Variants in TACC3 observed in about 807,000 individuals in gnomAD.
TACC3 encodes the protein transforming acidic coiled-coil containing protein 3.
TACC3 carries 52 observed loss-of-function variants against 86.0 expected under a neutral mutation model. That is an observed-to-expected ratio of 0.60 (90% CI 0.48 to 0.76). The LOEUF is 0.76. TACC3 is among the 30% of genes least tolerant of loss of function. The pLI is 0.00. For missense variants in TACC3, 1,120 were observed against 1,070.4 expected (o/e 1.05, Z -0.65); for synonymous variants, 512 against 430.0 (o/e 1.19, Z -2.36).
chr4:1,744,631 GCTGGGCGAGGC>G lies in TACC3; in HGVS notation c.2330+9_2330+19del. Reference sequence around the variant, plus strand: ...CGGAGGAGAAGCTGCAGCTGTGAGTGCTGGGCGAGGCCCCACCCTGGAGGGAGAATCTGAGC... The same window carrying G: ...CGGAGGAGAAGCTGCAGCTGTGAGTGCCCACCCTGGAGGGAGAATCTGAGC... On this transcript the variant is annotated splice_region_variant and intron_variant, in intron 14 of 15. Transcript: ENST00000313288. 1 of 1,612,808 alleles carries G rather than the reference GCTGGGCGAGGC, an allele frequency of 6.2e-7. No individual in the cohort carries two copies. Among genetic ancestry groups the G allele is most frequent in the Non-Finnish European group, 8.5e-7 (1 of 1,179,850 alleles).
In TACC3 at chr4:1,735,823, C is replaced by G. The variant is rs150355231; in HGVS notation, c.1737C>G (p.Thr579=). ...DSPGRPVPVA[T]ETSSMHGANE... is the part of the protein sequence containing the mutation. ...CTGGTAGACCAGTGCCCGTGGCCAC[C>G]GAGACCAGCAGGTATGTGCGCCGGC... Residue 579 remains threonine (T), a synonymous_variant, in exon 8 of 16, where the codon ACC becomes ACG. Coordinates refer to ENST00000313288, the MANE Select transcript of TACC3 (RefSeq NM_006342.3). This position sits in a 1 kb window ranked among gnomAD's most constrained non-coding sequence, Gnocchi z 4.2. 6.3e-7 allele frequency: 1 copy of G among 1,594,198 alleles called. No individual in the cohort carries two copies. Among genetic ancestry groups the G allele is most frequent in the African/African-American group, 1.3e-5 (1 of 74,600 alleles).
intron 4 of TACC3, among the ~76,000 whole-genome samples, chr4:1,729,062 C>T (rs1717869423): frequency 6.6e-6 from 1 of 152,196 alleles, no homozygotes; most frequent in Non-Finnish European, 1.5e-5. Flanking sequence ...GCAACCAACC[C>T]TGGGCAGGAC....
Position 1,731,181 on chromosome 4 carries a change from T to C in TACC3, c.1471T>C (p.Leu491=). 1 of 1,613,288 alleles carries C rather than the reference T, an allele frequency of 6.2e-7. No individual in the cohort carries two copies. The highest frequency in any genetic ancestry group is 1.1e-5 in the South Asian group (1 of 91,086). ...CTGCCCTTTCCTCCAGGAGAGAGCC[T>C]TGAACTCTGCCAGCACCTCGCTTCC... is the stretch of plus-strand genomic sequence containing the variant. ...TPTAESKERA[L]NSASTSLPTS... is the part of the protein sequence containing the mutation. The change falls in exon 6 of 16, where the codon TTG becomes CTG. Residue 491 remains leucine, a synonymous_variant. Transcript: ENST00000313288.
At chr4:1,723,629 G>A in intron 2 of TACC3, 46 bp downstream of exon 2, 1 of 1,609,186 alleles carries the variant, frequency 6.2e-7, no homozygotes, top group Non-Finnish European at 8.5e-7. Flanking sequence ...TTGCCCTAGG[G>A]CCTGCTTTCT....
In TACC3 at chr4:1,731,320, A is replaced by C. The variant is rs1322309098; in HGVS notation, c.1591+19A>C. The C allele has an allele frequency of 6.2e-7, 1 of 1,612,168 alleles. No individual in the cohort carries two copies. Among genetic ancestry groups the C allele is most frequent in the Non-Finnish European group, 8.5e-7 (1 of 1,179,540 alleles). On this transcript the variant is annotated intron_variant, in intron 6 of 15. Coordinates refer to ENST00000313288, the MANE Select transcript of TACC3 (RefSeq NM_006342.3). ...GCTGAGGGTACGTTGCCTGGCACAG[A>C]CGTCACACACAGTCTGCCCGGAGGG...
chr4:1,723,350 TGTCAC>T, intron 1 of TACC3, 66 bp from the exon 2 acceptor site: 1 of 1,524,842 alleles, frequency 6.6e-7, no homozygotes, highest in Admixed American at 1.8e-5. Context: ...TTGCAGCAGC[TGTCAC>T]GTCTGTGTCT....
At chr4:1,736,859 G>T (rs997578240) in intron 8 of TACC3, among the ~76,000 whole-genome samples, 1 of 151,936 alleles carries the variant, frequency 6.6e-6, no homozygotes, top group South Asian at 2.1e-4. Context: ...GCAGGGAGCC[G>T]AGATCATGCC....
At chr4:1,723,358 CTG>C in intron 1 of TACC3, 61 bp from the exon 2 acceptor site, 1 of 1,553,328 alleles carries the variant, frequency 6.4e-7, no homozygotes, top group Non-Finnish European at 8.8e-7. Context: ...GCTGTCACGT[CTG>C]TGTCTGGACA....
chr4:1,744,510 C>A lies in TACC3; in HGVS notation c.2224-8C>A, dbSNP rs769573139. On this transcript the variant is annotated splice_polypyrimidine_tract_variant and splice_region_variant and intron_variant, in intron 13 of 15. Transcript: ENST00000313288. ...TGGTACCCACAGCTAATGCCTGCCCCTTCCTAGAACGAAGAGTCACTGAAG... is the reference window on the plus strand; with the variant it reads ...TGGTACCCACAGCTAATGCCTGCCCATTCCTAGAACGAAGAGTCACTGAAG... The A allele has an allele frequency of 6.2e-7, 1 of 1,611,818 alleles. No homozygotes were observed. Among genetic ancestry groups the A allele is most frequent in the Non-Finnish European group, 8.5e-7 (1 of 1,179,192 alleles).
chr4:1,737,241 C>A lies in TACC3; in HGVS notation c.1749C>A (p.Ser583Arg), dbSNP rs1259677695. 1.2e-6 allele frequency: 2 copies of A among 1,613,892 alleles called. No individual in the cohort carries two copies. Among genetic ancestry groups the A allele is most frequent in the Non-Finnish European group, 1.7e-6 (2 of 1,179,924 alleles). ...TGAGGCTGCCTCTGCTTGGTGGCAG[C>A]ATGCACGGTGCAAATGAGACTCCCT... ...RPVPVATETS[S>R]MHGANETPSG... The change falls in exon 9 of 16, where the codon AGC becomes AGA. Residue 583 changes from serine to arginine, a missense_variant and splice_region_variant. Coordinates refer to ENST00000313288, the MANE Select transcript of TACC3 (RefSeq NM_006342.3).
chr4:1,745,144 C>T lies in TACC3; in HGVS notation c.*131C>T. The T allele has an allele frequency of 2.0e-6, 2 of 1,002,710 alleles. No individual in the cohort carries two copies. The highest frequency in any genetic ancestry group is 2.9e-6 in the Non-Finnish European group (2 of 690,218). The allele number at this position is 1,002,710 out of a possible 1,614,324, so 62.1% of individuals were successfully genotyped here. On this transcript the variant is annotated 3_prime_UTR_variant, in exon 16 of 16. Transcript: ENST00000313288. Reference sequence around the variant, plus strand: ...AAACTAGATTGCTTTGAAAACATGACTCAATAAAAGTTTCCTTTCAATTTA... The same window carrying T: ...AAACTAGATTGCTTTGAAAACATGATTCAATAAAAGTTTCCTTTCAATTTA...
intron 3 of TACC3, 126 bp from the exon 4 acceptor site, chr4:1,727,579 AGCC>A (rs1316807580): frequency 1.4e-6 from 2 of 1,439,540 alleles, no homozygotes; most frequent in Non-Finnish European, 1.9e-6. Flanking sequence ...GAGAACGGGA[AGCC>A]GTGCCAAGGG....
At position 1,728,567 on chromosome 4, in the gene TACC3, GGAGCA is replaced by G. The variant is rs754069019; in HGVS notation, c.1167_1171del (p.Ala390ArgfsTer21). On this transcript the variant is annotated frameshift_variant, in exon 4 of 16. Transcript: ENST00000313288. LOFTEE classifies it high-confidence loss of function. Reference sequence around the variant, plus strand: ...GGTGGAGGAGGACGACGGTAGGAGCGGAGCAGGAGAGGACCCCCCCATGCCAGCTT... The same window carrying G: ...GGTGGAGGAGGACGACGGTAGGAGCGGGAGAGGACCCCCCCATGCCAGCTT... The G allele has an allele frequency of 3.7e-6, 6 of 1,613,926 alleles. No homozygotes were observed. The highest frequency in any genetic ancestry group is 5.1e-6 in the Non-Finnish European group (6 of 1,179,930).
intron 3 of TACC3, among the ~76,000 whole-genome samples, chr4:1,727,427 G>A (rs1665368): frequency 0.18 from 27,482 of 152,170 alleles, 2,728 homozygotes; most frequent in African/African-American, 0.2. Flanking sequence ...GCAGCCCAGA[G>A]GCACCCCTGT....
intron 3 of TACC3, among the ~76,000 whole-genome samples, chr4:1,724,283 G>A (rs1717575954): frequency 6.6e-6 from 1 of 151,460 alleles, no homozygotes; most frequent in South Asian, 2.1e-4. Context: ...GCCTTGGCTG[G>A]ATTTCTCCTG....
chr4:1,740,533 C>G (rs981454430), intron 12 of TACC3: 1 of 355,846 alleles, frequency 2.8e-6, no homozygotes, highest in South Asian at 4.1e-5. Context: ...CTCGCCATAC[C>G]GGCTCCCAGG....
intron 8 of TACC3, among the ~76,000 whole-genome samples, chr4:1,736,422 C>CAAAAAAA (rs1164866581): frequency 1.7e-4 from 11 of 65,798 alleles, no homozygotes; most frequent in African/African-American, 4.1e-4. Flanking sequence ...GACTCCATCT[C>CAAAAAAA]AAAAAAAAAA....
At chr4:1,731,398 C>G in intron 6 of TACC3, 97 bp downstream of exon 6, 2 of 1,439,128 alleles carry the variant, frequency 1.4e-6, no homozygotes, top group Non-Finnish European at 1.9e-6. Flanking sequence ...GGCAGGTGGT[C>G]ATTTCGCAGG....
rs1322309098 is a variant in TACC3, at chr4:1,731,320, A to G, written c.1591+19A>G. The G allele has an allele frequency of 6.2e-7, 1 of 1,612,050 alleles. No individual in the cohort carries two copies. The highest frequency in any genetic ancestry group is 1.3e-5 in the African/African-American group (1 of 74,928). Reference sequence around the variant, plus strand: ...GCTGAGGGTACGTTGCCTGGCACAGACGTCACACACAGTCTGCCCGGAGGG... The same window carrying G: ...GCTGAGGGTACGTTGCCTGGCACAGGCGTCACACACAGTCTGCCCGGAGGG... On this transcript the variant is annotated intron_variant, in intron 6 of 15. Transcript: ENST00000313288.
Sources: gnomAD v4.1 joint callset for allele counts (sites outside exome capture counted in the v4.1 genomes callset) on GRCh38, gnomAD v4.1.1 for gene constraint, Gnocchi (gnomAD v3.1) non-coding constraint, MANE v1.5 for transcripts, NCBI Gene and HGNC (gene_info 2026-07-23, HGNC 2026-07-21) for gene names.